The following PTP4A3 variants were observed in gnomAD, a reference collection of about 807,000 sequenced individuals.
PTP4A3 encodes the protein protein tyrosine phosphatase 4A3.
Under a neutral mutation model 15.2 loss-of-function variants are expected in PTP4A3, and 9 were observed. The ratio of observed to expected loss-of-function variants is 0.59; its 90% CI spans 0.36 to 1.03. The LOEUF is 1.03. Ranked by LOEUF, PTP4A3 falls within the 50% of genes least tolerant of loss-of-function variation. The probability of loss-of-function intolerance (pLI) is 0.02; values close to 1 mark genes in which losing one functional copy is unlikely to be tolerated. For missense variants in PTP4A3, 234 were observed against 252.1 expected, an observed-to-expected ratio of 0.93 and a Z score of 0.49; for synonymous variants, 95 against 102.0, an observed-to-expected ratio of 0.93 and a Z score of 0.41.
intron 1 of PTP4A3, chr8:141,392,676 G>C (rs1484466471): frequency 6.6e-6 from 1 of 152,292 alleles, no homozygotes; most frequent in Non-Finnish European, 1.5e-5. Context: ...CAGCAGCCTT[G>C]ATCCACGTGC....
At chr8:141,407,908 G>C (rs1295422505) in intron 1 of PTP4A3, among the ~76,000 whole-genome samples, 1 of 152,134 alleles carries the variant, frequency 6.6e-6, no homozygotes, top group African/African-American at 2.4e-5. Context: ...GTTTTTTGTT[G>C]TTGTTGTTGT....
chr8:141,399,208 T>A (rs2129812243), intron 1 of PTP4A3, among the ~76,000 whole-genome samples: 1 of 152,334 alleles, frequency 6.6e-6, no homozygotes, highest in South Asian at 2.1e-4. Context: ...TGCCTCTTAC[T>A]CCTGGCACCC....
chr8:141,429,393 T>A (rs1343812153), intron 5 of PTP4A3, among the ~76,000 whole-genome samples: 1 of 152,246 alleles, frequency 6.6e-6, no homozygotes, highest in Non-Finnish European at 1.5e-5. Flanking sequence ...CCTCAACGCC[T>A]GTCACCTCAG....
intron 1 of PTP4A3, among the ~76,000 whole-genome samples, chr8:141,420,867 C>G (rs188957998): frequency 7.0e-6 from 1 of 142,780 alleles, no homozygotes; most frequent in African/African-American, 2.4e-5. Flanking sequence ...CAGCACTGAC[C>G]GAGTGCCTGG....
At chr8:141,392,173 C>T (rs1000704811) in intron 1 of PTP4A3, 89 bp downstream of exon 1, 2 of 148,656 alleles carry the variant, frequency 1.3e-5, no homozygotes, top group African/African-American at 4.9e-5. Context: ...GCCCGCCGCC[C>T]GCTCCGGGCA....
intron 1 of PTP4A3, among the ~76,000 whole-genome samples, chr8:141,396,174 C>T (rs1302552685): frequency 2.0e-5 from 3 of 152,196 alleles, no homozygotes; most frequent in African/African-American, 7.2e-5. Context: ...GCTGTGGGTG[C>T]CATTGGTCAG....
rs969625763 is a variant in PTP4A3, at chr8:141,425,703, C to A, written c.198+563C>A. Among the ~76,000 whole-genome samples, 1 of 152,144 alleles carries A rather than the reference C, an allele frequency of 6.6e-6. No individual in the cohort carries two copies. The highest frequency in any genetic ancestry group is 6.5e-5 in the Admixed American group (1 of 15,292). On this transcript the variant is annotated intron_variant, in intron 3 of 5. Coordinates refer to ENST00000521578, the MANE Select transcript of PTP4A3 (RefSeq NM_032611.3). This position sits in a 1 kb window ranked among gnomAD's most constrained non-coding sequence, Gnocchi z 4.2. ...CCCCGGCCCGGTGGACGACTGCCCC[C>A]CTGGTGCAGGCCTGCCCAGCTGCGC...
At chr8:141,402,335 T>C (rs1832613896) in intron 1 of PTP4A3, among the ~76,000 whole-genome samples, 1 of 152,184 alleles carries the variant, frequency 6.6e-6, no homozygotes, top group Non-Finnish European at 1.5e-5. Flanking sequence ...CTCCCCCAGA[T>C]AACCCTGTAG....
In PTP4A3 at chr8:141,422,310, A is replaced by G; in HGVS notation, c.70A>G (p.Asn24Asp). 1 of 1,613,442 alleles carries G rather than the reference A, an allele frequency of 6.2e-7. No homozygotes were observed. The highest frequency in any genetic ancestry group is 8.5e-7 in the Non-Finnish European group (1 of 1,180,002). Residue 24 changes from asparagine (N) to aspartate (D), a missense_variant, in exon 2 of 6, where the codon AAC (asparagine) becomes GAC (aspartate). Physicochemically the swap from Asn to Asp is conservative, Grantham distance 23. Transcript: ENST00000521578. ...ACACATGCGCTTCCTCATCACCCAC[A>G]ACCCCACCAACGCCACGCTCAGCAC... ...YKHMRFLITHNPTNATLSTFI... is the reference protein window; with the variant it reads ...YKHMRFLITHDPTNATLSTFI...
chr8:141,408,474 C>G (rs1001801380), intron 1 of PTP4A3, among the ~76,000 whole-genome samples: 1 of 152,070 alleles, frequency 6.6e-6, no homozygotes, highest in Non-Finnish European at 1.5e-5. Flanking sequence ...CAAAAATTAG[C>G]CGGTTGTGGT....
At chr8:141,421,359 C>T (rs1833320120) in intron 1 of PTP4A3, 29 bp from the exon 2 acceptor site, 1 of 152,282 alleles carries the variant, frequency 6.6e-6, no homozygotes, top group Non-Finnish European at 1.5e-5. Context: ...TGATCCCTTT[C>T]TATTCATTTC....
At chr8:141,422,895 G>A (rs1833401700) in intron 2 of PTP4A3, among the ~76,000 whole-genome samples, 1 of 152,256 alleles carries the variant, frequency 6.6e-6, no homozygotes, top group Non-Finnish European at 1.5e-5. Context: ...CCTGGCAGAT[G>A]GGACGAGATG....
chr8:141,416,934 CAG>C (rs1833076499), intron 1 of PTP4A3, among the ~76,000 whole-genome samples: 1 of 152,132 alleles, frequency 6.6e-6, no homozygotes, highest in Admixed American at 6.5e-5. Context: ...GAGCTGCAAG[CAG>C]GGCCACACCT....
intron 2 of PTP4A3, among the ~76,000 whole-genome samples, chr8:141,424,662 T>G (rs28485921): frequency 6.6e-6 from 1 of 151,690 alleles, no homozygotes; most frequent in Non-Finnish European, 1.5e-5. Context: ...GCAGCTGGGG[T>G]CCCAGCTGCC....
chr8:141,430,859 C>T (rs1833840331), intron 5 of PTP4A3, 68 bp from the exon 6 acceptor site: 9 of 1,495,110 alleles, frequency 6.0e-6, no homozygotes, highest in Non-Finnish European at 7.4e-6. Context: ...GATTCCAGCT[C>T]CCTGGGGCAG....
chr8:141,418,133 AGG>A (rs1295690040), intron 1 of PTP4A3, among the ~76,000 whole-genome samples: 5 of 151,676 alleles, frequency 3.3e-5, no homozygotes, highest in Admixed American at 3.3e-4. Context: ...GCACCCAGGG[AGG>A]GGGCCGCGCC....
At position 141,426,449 on chromosome 8, in the gene PTP4A3, C is replaced by T. The variant is rs996317411; in HGVS notation, c.199-490C>T. 3.0e-6 allele frequency: 3 copies of T among 985,336 alleles called. No homozygotes were observed. The African/African-American group carries it at 5.2e-5, about 17-fold the overall frequency. 61.0% of individuals were successfully genotyped at this position (985,336 alleles called of 1,614,324 possible). A position where few individuals can be genotyped will look rare whatever the true frequency, so the allele number is the denominator to read the frequency against. On this transcript the variant is annotated intron_variant, in intron 3 of 5. Coordinates refer to ENST00000521578, the MANE Select transcript of PTP4A3 (RefSeq NM_032611.3). The stretch of plus-strand genomic sequence containing the variant: ...TCAGAAATGTGGGCCCTGTCTCGCC[C>T]CACAGCCCTGTCTTCAGTCCTTCCT...
chr8:141,425,245 C>A lies in PTP4A3; in HGVS notation c.198+105C>A. The stretch of plus-strand genomic sequence containing the variant: ...GGGTTTGGTGCCCCTCCTGTGGCAG[C>A]CCTGGGCATGTCTGTGCCTGGGCCA... On this transcript the variant is annotated intron_variant, in intron 3 of 5. Transcript: ENST00000521578. This position sits in a 1 kb window ranked among gnomAD's most constrained non-coding sequence, Gnocchi z 4.2. 8.4e-7 allele frequency: 1 copy of A among 1,186,298 alleles called. No individual in the cohort carries two copies. Among genetic ancestry groups the A allele is most frequent in the Non-Finnish European group, 1.2e-6 (1 of 836,438 alleles). 73.5% of individuals were successfully genotyped at this position (1,186,298 alleles called of 1,614,324 possible).
intron 1 of PTP4A3, among the ~76,000 whole-genome samples, chr8:141,394,899 G>GCGCCC (rs1269779019): frequency 6.6e-6 from 1 of 152,218 alleles, no homozygotes; most frequent in Non-Finnish European, 1.5e-5. Context: ...CCTGACTTCG[G>GCGCCC]CGCCCCGCGA....
Sources: gnomAD v4.1 joint callset for allele counts (sites outside exome capture counted in the v4.1 genomes callset) on GRCh38, gnomAD v4.1.1 for gene constraint, Gnocchi (gnomAD v3.1) non-coding constraint, MANE v1.5 for transcripts, NCBI Gene and HGNC (gene_info 2026-07-23, HGNC 2026-07-21) for gene names.